The following PLCB1 variants were observed in gnomAD, a reference collection of about 807,000 sequenced individuals.
PLCB1 encodes phospholipase C beta 1.
Under a neutral mutation model 161.8 loss-of-function variants are expected in PLCB1, and 46 were observed. The observed-to-expected ratio is 0.28, with a 90% CI of 0.22 to 0.36. The LOEUF is 0.36. PLCB1 is among the 10% of genes least tolerant of loss of function. The probability of loss-of-function intolerance (pLI) is 1.00; values close to 1 mark genes in which losing one functional copy is unlikely to be tolerated. For missense variants in PLCB1, 1,016 were observed against 1,472.5 expected, an observed-to-expected ratio of 0.69 and a Z score of 5.07; for synonymous variants, 517 against 503.7, an observed-to-expected ratio of 1.03 and a Z score of -0.35.
At chr20:8,352,980 C>T (rs1308913924) in intron 2 of PLCB1, among the ~76,000 whole-genome samples, 1 of 152,000 alleles carries the variant, frequency 6.6e-6, no homozygotes, top group Non-Finnish European at 1.5e-5. Flanking sequence ...CCTGTATTTC[C>T]AAACTGGGTT....
At chr20:8,784,175 A>G (rs1983368520) in intron 27 of PLCB1, among the ~76,000 whole-genome samples, 1 of 152,248 alleles carries the variant, frequency 6.6e-6, no homozygotes, top group African/African-American at 2.4e-5. Flanking sequence ...CATAATATTA[A>G]TTATTCTGTC....
At chr20:8,516,663 TCATATATATATA>T (rs1984131346) in intron 3 of PLCB1, among the ~76,000 whole-genome samples, 1 of 65,408 alleles carries the variant, frequency 1.5e-5, no homozygotes, top group African/African-American at 4.8e-5. Context: ...AAATATAACA[TCATATATATATA>T]TATATATATA....
At chr20:8,802,178 G>A (rs1346587692) in intron 31 of PLCB1, 1 of 1,506,902 alleles carries the variant, frequency 6.6e-7, no homozygotes, top group African/African-American at 1.4e-5. Context: ...GGCCAGGTAG[G>A]ACTGGATGGG....
chr20:8,439,705 T>A (rs1980469287), intron 3 of PLCB1, among the ~76,000 whole-genome samples: 1 of 152,216 alleles, frequency 6.6e-6, no homozygotes, highest in South Asian at 2.1e-4. Flanking sequence ...ATTACTATAT[T>A]TTCTACATTC....
At chr20:8,581,685 G>A (rs1986837414) in intron 3 of PLCB1, among the ~76,000 whole-genome samples, 1 of 152,128 alleles carries the variant, frequency 6.6e-6, no homozygotes, top group Non-Finnish European at 1.5e-5. Context: ...ATGAAGGACT[G>A]TCAATGCCAA....
chr20:8,814,184 G>T (rs1306555657), intron 31 of PLCB1, among the ~76,000 whole-genome samples: 1 of 152,166 alleles, frequency 6.6e-6, no homozygotes, highest in African/African-American at 2.4e-5. Context: ...AAGTAAATGT[G>T]AAAAAGGTAT....
intron 9 of PLCB1, among the ~76,000 whole-genome samples, chr20:8,661,314 G>C (rs773094230): frequency 2.0e-5 from 3 of 151,990 alleles, no homozygotes; most frequent in Non-Finnish European, 4.4e-5. Flanking sequence ...ATTGCCTAGT[G>C]GTCTCTGTAC....
chr20:8,770,694 G>T (rs1982632902), intron 26 of PLCB1, among the ~76,000 whole-genome samples: 1 of 152,158 alleles, frequency 6.6e-6, no homozygotes, highest in Non-Finnish European at 1.5e-5. Context: ...GGGTTTCCAG[G>T]TCATAGGTAG....
At chr20:8,351,674 C>T (rs1291229737) in intron 2 of PLCB1, among the ~76,000 whole-genome samples, 1 of 151,840 alleles carries the variant, frequency 6.6e-6, no homozygotes, top group Non-Finnish European at 1.5e-5. Context: ...TAATATTTGG[C>T]AAAACATATG....
chr20:8,877,456 T>C (rs2146331940), intron 31 of PLCB1, among the ~76,000 whole-genome samples: 1 of 152,324 alleles, frequency 6.6e-6, no homozygotes, highest in African/African-American at 2.4e-5. Flanking sequence ...ATTTCTGACT[T>C]CAATATTTAA....
chr20:8,449,602 G>A (rs146742613), intron 3 of PLCB1, among the ~76,000 whole-genome samples: 154 of 152,304 alleles, frequency 1.0e-3, no homozygotes, highest in African/African-American at 3.5e-3. Flanking sequence ...TCATTGTCCC[G>A]AAGGAGAACA....
rs77851827 is a variant in PLCB1 at position 8,202,865 on chromosome 20, A to G, written c.177+52494A>G. Among the ~76,000 whole-genome samples the G allele has an allele frequency of 7.3e-3, 1,104 of 152,268 alleles. 13 individuals are homozygous for G. Among genetic ancestry groups the G allele is most frequent in the African/African-American group, 0.025 (1,033 of 41,542 alleles). On this transcript the variant is annotated intron_variant, in intron 2 of 31. Transcript: ENST00000338037. ...GCAGGGACTTGAGGGTGAATGTGGG[A>G]GCAGAGATGAGGAAGAACACGCAGA...
At chr20:8,577,449 AAAAAAAAG>A (rs1437390273) in intron 3 of PLCB1, among the ~76,000 whole-genome samples, 1 of 151,736 alleles carries the variant, frequency 6.6e-6, no homozygotes, top group African/African-American at 2.4e-5. Context: ...AAAAAAAAAA[AAAAAAAAG>A]AATCTTGAAA....
intron 2 of PLCB1, among the ~76,000 whole-genome samples, chr20:8,152,981 G>T (rs1281597906): frequency 6.6e-6 from 1 of 152,080 alleles, no homozygotes; most frequent in Non-Finnish European, 1.5e-5. Context: ...TCTTGTATCA[G>T]AGCCACTTAT....
At chr20:8,620,425 G>A (rs74897234) in intron 3 of PLCB1, among the ~76,000 whole-genome samples, 3,051 of 151,988 alleles carry the variant, frequency 0.02, 85 homozygotes, top group African/African-American at 0.064. Context: ...CGACAGAGCC[G>A]GAACTCAAAG....
chr20:8,177,254 T>A (rs1022629683), intron 2 of PLCB1, among the ~76,000 whole-genome samples: 2 of 152,086 alleles, frequency 1.3e-5, no homozygotes, highest in Non-Finnish European at 2.9e-5. Context: ...TGAGAGTCTT[T>A]TTACCTTTCC....
chr20:8,601,806 T>C (rs4813866), intron 3 of PLCB1, among the ~76,000 whole-genome samples: 45,723 of 152,178 alleles, frequency 0.3, 8,397 homozygotes, highest in Non-Finnish European at 0.4. Context: ...CAGACATTGA[T>C]AGAGAGCCAA....
chr20:8,627,640 C>T (rs1988394487), intron 3 of PLCB1, among the ~76,000 whole-genome samples: 2 of 152,342 alleles, frequency 1.3e-5, no homozygotes, highest in East Asian at 1.9e-4. Flanking sequence ...AACTCCCTTT[C>T]CCAGCAGGAC....
chr20:8,464,260 A>C (rs1357495543), intron 3 of PLCB1, among the ~76,000 whole-genome samples: 1 of 152,140 alleles, frequency 6.6e-6, no homozygotes, highest in Non-Finnish European at 1.5e-5. Flanking sequence ...GTCTCCAGGT[A>C]TATGTCTTTC....
Sources: allele counts gnomAD v4.1 joint callset (sites outside exome capture counted in the v4.1 genomes callset), GRCh38; gene constraint gnomAD v4.1.1; transcripts MANE v1.5; gene names NCBI Gene and HGNC (gene_info 2026-07-23, HGNC 2026-07-21).